Variants in CTNNA3 observed in about 807,000 individuals in gnomAD.
The protein encoded by CTNNA3 is catenin alpha 3.
Under a neutral mutation model 95.7 loss-of-function variants are expected in CTNNA3, and 76 were observed. The observed-to-expected ratio is 0.79, with a 90% CI of 0.66 to 0.96. The LOEUF (loss-of-function observed/expected upper bound fraction) is 0.96, where lower values mean the gene tolerates loss of function less well. Ranked by LOEUF, CTNNA3 falls within the 40% of genes least tolerant of loss-of-function variation. The pLI is 0.00. For synonymous variants in CTNNA3, 431 were observed against 374.4 expected, an observed-to-expected ratio of 1.15 and a Z score of -1.74; for missense variants, 1,191 against 1,089.8, an observed-to-expected ratio of 1.09 and a Z score of -1.31.
At chr10:66,427,713 G>T (rs1049488592) in intron 11 of CTNNA3, among the ~76,000 whole-genome samples, 2 of 152,040 alleles carry the variant, frequency 1.3e-5, no homozygotes, top group African/African-American at 4.8e-5. Context: ...GAGAGATTTT[G>T]TCACCACCAG....
intron 2 of CTNNA3, among the ~76,000 whole-genome samples, chr10:67,636,436 T>C (rs759549061): frequency 6.6e-6 from 1 of 152,172 alleles, no homozygotes; most frequent in Non-Finnish European, 1.5e-5. Flanking sequence ...AGGGCTACAG[T>C]AACCAAAACA....
intron 7 of CTNNA3, among the ~76,000 whole-genome samples, chr10:66,847,733 C>T (rs1346364840): frequency 6.6e-6 from 1 of 152,076 alleles, no homozygotes; most frequent in East Asian, 1.9e-4. Context: ...AAAAAGTGCT[C>T]AGTACATATG....
chr10:66,621,832 A>G, intron 9 of CTNNA3, 48 bp from the exon 10 acceptor site: 2 of 1,187,308 alleles, frequency 1.7e-6, no homozygotes, highest in Non-Finnish European at 2.5e-6. Flanking sequence ...TTAGCAAGGA[A>G]ATGCAGCAAC....
At chr10:66,994,514 A>C (rs1851221716) in intron 7 of CTNNA3, among the ~76,000 whole-genome samples, 2 of 152,216 alleles carry the variant, frequency 1.3e-5, no homozygotes, top group Admixed American at 1.3e-4. Context: ...CTTCTAAAGT[A>C]GGAAAAAAGC....
At chr10:66,888,645 T>C (rs753048540) in intron 7 of CTNNA3, among the ~76,000 whole-genome samples, 4 of 152,010 alleles carry the variant, frequency 2.6e-5, no homozygotes, top group African/African-American at 4.8e-5. Flanking sequence ...CACAACCTCA[T>C]AGAGAAATGC....
intron 3 of CTNNA3, among the ~76,000 whole-genome samples, chr10:67,596,629 A>G (rs1295057881): frequency 6.6e-6 from 1 of 152,208 alleles, no homozygotes; most frequent in African/African-American, 2.4e-5. Context: ...GTTTCTGCTG[A>G]AAGGTCCACT....
At position 65,914,786 on chromosome 10, in the gene CTNNA3, T is replaced by C. The variant is rs1453199249; in HGVS notation, c.*5544A>G. On this transcript the variant is annotated 3_prime_UTR_variant, in exon 18 of 18. Transcript: ENST00000433211. ...TAATTTGGCAAAGGTTGTCCTCTTA[T>C]TTCAGATCACGTAAATAACTTACTT... 8 of 152,150 alleles carry C rather than the reference T, an allele frequency of 5.3e-5. No homozygotes were observed. The highest frequency in any genetic ancestry group is 5.2e-4 in the Admixed American group (8 of 15,264). The allele number at this position is 152,150 out of a possible 1,614,324, so 9.4% of individuals were successfully genotyped here. A position where few individuals can be genotyped will look rare whatever the true frequency, so the allele number is the denominator to read the frequency against.
At chr10:66,969,017 AAAAT>A (rs896918415) in intron 7 of CTNNA3, among the ~76,000 whole-genome samples, 1 of 151,930 alleles carries the variant, frequency 6.6e-6, no homozygotes. Context: ...ACTCCATCTC[AAAAT>A]AAATAAATAA....
intron 9 of CTNNA3, among the ~76,000 whole-genome samples, chr10:66,724,212 G>A (rs1848713941): frequency 6.6e-6 from 1 of 152,112 alleles, no homozygotes; most frequent in Non-Finnish European, 1.5e-5. Context: ...AATTTAGTTA[G>A]CTCATTAAAT....
chr10:66,979,830 T>G (rs1850308988), intron 7 of CTNNA3, among the ~76,000 whole-genome samples: 1 of 152,162 alleles, frequency 6.6e-6, no homozygotes, highest in African/African-American at 2.4e-5. Flanking sequence ...TTGAAAGAAC[T>G]GACATTTCCT....
chr10:66,522,082 A>C (rs1011335028), intron 10 of CTNNA3, among the ~76,000 whole-genome samples: 6 of 152,152 alleles, frequency 3.9e-5, no homozygotes, highest in Admixed American at 3.9e-4. Flanking sequence ...CTTCAATTAG[A>C]GCATGAATAA....
chr10:67,477,541 C>T (rs1848065974), intron 5 of CTNNA3, among the ~76,000 whole-genome samples: 1 of 152,088 alleles, frequency 6.6e-6, no homozygotes, highest in Non-Finnish European at 1.5e-5. Context: ...ACAAAACCTG[C>T]CAGTAAAGTG....
chr10:66,504,036 ATACT>A (rs1291774559), intron 11 of CTNNA3, among the ~76,000 whole-genome samples: 1 of 152,164 alleles, frequency 6.6e-6, no homozygotes, highest in Non-Finnish European at 1.5e-5. Context: ...ATCACCTCAC[ATACT>A]TAATCATTTT....
chr10:66,366,440 C>T (rs1008449236), intron 12 of CTNNA3, among the ~76,000 whole-genome samples: 2 of 152,112 alleles, frequency 1.3e-5, no homozygotes, highest in African/African-American at 4.8e-5. Flanking sequence ...AAAACCTATT[C>T]GCCAATGCAA....
chr10:65,982,408 T>C (rs1382380175), intron 16 of CTNNA3, among the ~76,000 whole-genome samples: 1 of 151,248 alleles, frequency 6.6e-6, no homozygotes, highest in East Asian at 1.9e-4. Context: ...TTATTGGGAA[T>C]GTAAACTAGT....
At chr10:66,184,802 A>C (rs920760250) in intron 13 of CTNNA3, among the ~76,000 whole-genome samples, 1 of 152,172 alleles carries the variant, frequency 6.6e-6, no homozygotes, top group African/African-American at 2.4e-5. Context: ...CTCTTCATTC[A>C]TACTCTTTAT....
chr10:66,677,727 A>G (rs1846911596), intron 9 of CTNNA3, among the ~76,000 whole-genome samples: 1 of 152,152 alleles, frequency 6.6e-6, no homozygotes, highest in South Asian at 2.1e-4. Flanking sequence ...AAGCCTCCCC[A>G]GCCATGTGGA....
At chr10:67,210,514 T>C (rs972436673) in intron 6 of CTNNA3, among the ~76,000 whole-genome samples, 1 of 152,180 alleles carries the variant, frequency 6.6e-6, no homozygotes, top group South Asian at 2.1e-4. Flanking sequence ...TGCTTTGATA[T>C]ATGTATGCAC....
intron 7 of CTNNA3, among the ~76,000 whole-genome samples, chr10:67,168,295 C>G (rs968549087): frequency 2.0e-5 from 3 of 152,130 alleles, no homozygotes; most frequent in Admixed American, 2.0e-4. Flanking sequence ...AGGCCAGCAT[C>G]ATCTGGATAC....
Sources: allele counts gnomAD v4.1 joint callset (sites outside exome capture counted in the v4.1 genomes callset), GRCh38; gene constraint gnomAD v4.1.1; transcripts MANE v1.5; gene names NCBI Gene and HGNC (gene_info 2026-07-23, HGNC 2026-07-21).